KIAA1328: variants seen among roughly 807,000 people sequenced by gnomAD.
KIAA1328 encodes protein hinderin.
A neutral mutation model predicts 68.1 loss-of-function variants in KIAA1328; 52 were observed. The observed-to-expected ratio is 0.76, with a 90% CI of 0.61 to 0.96. KIAA1328 has a LOEUF of 0.96. Ranked by LOEUF, KIAA1328 falls within the 40% of genes least tolerant of loss-of-function variation. The pLI is 0.00. For synonymous variants in KIAA1328, 232 were observed against 239.4 expected (o/e 0.97, Z 0.28); for missense variants, 641 against 677.6 (o/e 0.95, Z 0.60).
chr18:36,940,896 G>A (rs1406166342), intron 5 of KIAA1328, among the ~76,000 whole-genome samples: 1 of 151,990 alleles, frequency 6.6e-6, no homozygotes, highest in East Asian at 1.9e-4. Flanking sequence ...GGATGGTCTC[G>A]ATCTCTTGAC....
chr18:37,101,112 C>G (rs1437771692), intron 7 of KIAA1328, among the ~76,000 whole-genome samples: 1 of 152,174 alleles, frequency 6.6e-6, no homozygotes, highest in Non-Finnish European at 1.5e-5. Context: ...CAGAGCGCCT[C>G]TCCTCCTCCA....
intron 7 of KIAA1328, among the ~76,000 whole-genome samples, chr18:37,087,119 G>A (rs1284854276): frequency 6.6e-6 from 1 of 152,082 alleles, no homozygotes; most frequent in African/African-American, 2.4e-5. Context: ...AAGTTCAGCG[G>A]CACAATCACA....
chr18:37,053,682 C>T (rs2055793412), intron 6 of KIAA1328, among the ~76,000 whole-genome samples: 1 of 152,248 alleles, frequency 6.6e-6, no homozygotes, highest in Admixed American at 6.5e-5. Context: ...AACTTACAAT[C>T]ATGGTGGGAG....
At chr18:36,901,916 T>C (rs936363972) in intron 5 of KIAA1328, 2 of 152,062 alleles carry the variant, frequency 1.3e-5, no homozygotes, top group Non-Finnish European at 2.9e-5. Flanking sequence ...AGAAATATGA[T>C]AAGGATTTTG....
At chr18:36,878,074 A>G (rs2048199606) in intron 4 of KIAA1328, among the ~76,000 whole-genome samples, 1 of 152,104 alleles carries the variant, frequency 6.6e-6, no homozygotes, top group African/African-American at 2.4e-5. Context: ...TATTTTGCCT[A>G]TTCGTTGATG....
chr18:37,186,090 ATG>A (rs1340546499), intron 9 of KIAA1328, among the ~76,000 whole-genome samples: 1 of 127,216 alleles, frequency 7.9e-6, no homozygotes, highest in Non-Finnish European at 1.6e-5. Flanking sequence ...GGCTTCAAGG[ATG>A]TCTTTTTTTT....
At chr18:36,945,192 G>A (rs1415716769) in intron 5 of KIAA1328, among the ~76,000 whole-genome samples, 5 of 152,182 alleles carry the variant, frequency 3.3e-5, no homozygotes, top group Non-Finnish European at 7.3e-5. Context: ...TTGTCTTTGA[G>A]TATTTTTGGG....
chr18:37,192,287 GTC>G (rs1181939780), intron 9 of KIAA1328, among the ~76,000 whole-genome samples: 1 of 151,904 alleles, frequency 6.6e-6, no homozygotes, highest in East Asian at 1.9e-4. Flanking sequence ...TATCCATATT[GTC>G]TTTCTCTTTG....
At chr18:36,996,704 T>G (rs1456573020) in intron 6 of KIAA1328, among the ~76,000 whole-genome samples, 8 of 152,164 alleles carry the variant, frequency 5.3e-5, no homozygotes, top group Admixed American at 2.6e-4. Context: ...GCATTAACAC[T>G]TGCAGATTGA....
intron 6 of KIAA1328, among the ~76,000 whole-genome samples, chr18:36,960,997 G>A (rs2051644315): frequency 2.0e-5 from 3 of 152,094 alleles, no homozygotes; most frequent in Non-Finnish European, 4.4e-5. Flanking sequence ...GTTTCAGAAG[G>A]TTGATAATAA....
At chr18:37,038,026 A>G (rs1430430496) in intron 6 of KIAA1328, among the ~76,000 whole-genome samples, 1 of 152,072 alleles carries the variant, frequency 6.6e-6, no homozygotes, top group East Asian at 1.9e-4. Flanking sequence ...GCGTGAACCC[A>G]GGAGGCAGAG....
intron 5 of KIAA1328, among the ~76,000 whole-genome samples, chr18:36,942,879 T>C (rs903389049): frequency 4.6e-5 from 7 of 152,214 alleles, no homozygotes; most frequent in Admixed American, 1.3e-4. Flanking sequence ...TCGACACATA[T>C]GTTAATTTAA....
chr18:37,203,468 T>A (rs2060152972), intron 9 of KIAA1328, among the ~76,000 whole-genome samples: 1 of 152,182 alleles, frequency 6.6e-6, no homozygotes, highest in Non-Finnish European at 1.5e-5. Flanking sequence ...CAAAAACACA[T>A]CTGACTTTTC....
intron 5 of KIAA1328, among the ~76,000 whole-genome samples, chr18:36,914,068 T>G (rs2049583008): frequency 6.6e-6 from 1 of 152,278 alleles, no homozygotes; most frequent in Non-Finnish European, 1.5e-5. Context: ...TGGTATAAAT[T>G]TTACCTGAAA....
chr18:37,140,452 AGACT>A (rs2154208058), intron 7 of KIAA1328, among the ~76,000 whole-genome samples: 1 of 152,276 alleles, frequency 6.6e-6, no homozygotes, highest in East Asian at 1.9e-4. Flanking sequence ...AAGCTCAGAC[AGACT>A]ATCGCGATAT....
intron 7 of KIAA1328, among the ~76,000 whole-genome samples, chr18:37,083,376 G>T (rs577792119): frequency 6.6e-6 from 1 of 152,276 alleles, no homozygotes; most frequent in East Asian, 1.9e-4. Context: ...TGATGAAAAT[G>T]ACAATATTGT....
chr18:37,156,442 A>G (rs922806292), intron 7 of KIAA1328, among the ~76,000 whole-genome samples: 2 of 151,358 alleles, frequency 1.3e-5, no homozygotes, highest in African/African-American at 4.8e-5. Context: ...AAAAAAAAAA[A>G]AAAAAAAAAA....
chr18:36,889,012 G>A (rs2048592320), intron 5 of KIAA1328, among the ~76,000 whole-genome samples: 2 of 152,262 alleles, frequency 1.3e-5, no homozygotes, highest in South Asian at 4.1e-4. Context: ...TTATTGATCA[G>A]CTGTACAAAC....
intron 9 of KIAA1328, among the ~76,000 whole-genome samples, chr18:37,195,252 C>G (rs1019759713): frequency 3.3e-5 from 5 of 152,190 alleles, no homozygotes; most frequent in African/African-American, 1.2e-4. Flanking sequence ...TCATCCTACT[C>G]CACCCTCTTC....
Sources: gnomAD v4.1 joint callset for allele counts (sites outside exome capture counted in the v4.1 genomes callset) on GRCh38, gnomAD v4.1.1 for gene constraint, MANE v1.5 for transcripts, NCBI Gene and HGNC (gene_info 2026-07-23, HGNC 2026-07-21) for gene names.